Variants in CUX2 observed in about 807,000 individuals in gnomAD.
CUX2 encodes the protein homeobox protein cut-like 2.
In CUX2, 40 loss-of-function variants were observed where a neutral mutation model predicts 144.8. The ratio of observed to expected loss-of-function variants is 0.28; its 90% CI spans 0.21 to 0.36. The LOEUF (loss-of-function observed/expected upper bound fraction) is 0.36. Ranked by LOEUF, CUX2 falls within the 10% of genes least tolerant of loss-of-function variation. CUX2 has a pLI of 1.00. For missense variants in CUX2, 1,615 were observed against 1,994.0 expected (o/e 0.81, Z 3.62); for synonymous variants, 827 against 875.6 (o/e 0.94, Z 0.98).
At chr12:111,331,644 T>G (rs781746987) in intron 18 of CUX2, among the ~76,000 whole-genome samples, 5 of 152,108 alleles carry the variant, frequency 3.3e-5, no homozygotes, top group African/African-American at 4.8e-5. Context: ...CCAAGTAGTA[T>G]GTATAATGCT....
intron 1 of CUX2, among the ~76,000 whole-genome samples, chr12:111,137,104 ATTT>A (rs1242985153): frequency 7.0e-6 from 1 of 142,508 alleles, no homozygotes; most frequent in Non-Finnish European, 1.6e-5. Context: ...CACCTGGCTA[ATTT>A]TTTTTTTTTT....
At chr12:111,268,945 C>T (rs185561365) in intron 4 of CUX2, among the ~76,000 whole-genome samples, 42 of 152,252 alleles carry the variant, frequency 2.8e-4, no homozygotes, top group Middle Eastern at 6.8e-3. Flanking sequence ...AGTTGTAACA[C>T]GAGGGGGCAG....
intron 1 of CUX2, among the ~76,000 whole-genome samples, chr12:111,094,770 T>C (rs1428598624): frequency 6.6e-6 from 1 of 152,210 alleles, no homozygotes; most frequent in Non-Finnish European, 1.5e-5. Flanking sequence ...ACTGCTGAGA[T>C]GACAGGCATG....
chr12:111,305,049 T>A (rs1257775699), intron 10 of CUX2, among the ~76,000 whole-genome samples: 1 of 152,232 alleles, frequency 6.6e-6, no homozygotes, highest in Non-Finnish European at 1.5e-5. Flanking sequence ...GATTAATCAA[T>A]TCATCTTTCT....
chr12:111,308,470 CCTT>C lies in CUX2; in HGVS notation c.1207_1209del (p.Phe403del), dbSNP rs748502176. ...GACTCACTGCTTATTGCAAAGGAGG[CCTT>C]CTTCCCCACGCAGAAATTCCTTCTG... is the stretch of plus-strand genomic sequence containing the variant. On this transcript the variant is annotated inframe_deletion, in exon 14 of 22. Transcript: ENST00000261726. 316 of 1,614,028 alleles carry C rather than the reference CCTT, an allele frequency of 2.0e-4. No homozygotes were observed. Among genetic ancestry groups the C allele is most frequent in the Non-Finnish European group, 2.5e-4 (300 of 1,180,016 alleles).
Position 111,034,373 on chromosome 12 carries a change from C to A in CUX2, c.63+133C>A. 4.5e-6 allele frequency: 1 copy of A among 222,246 alleles called. No individual in the cohort carries two copies. Among genetic ancestry groups the A allele is most frequent in the Non-Finnish European group, 7.6e-6 (1 of 130,766 alleles). The allele number at this position is 222,246 out of a possible 1,614,324, so 13.8% of individuals were successfully genotyped here. On this transcript the variant is annotated intron_variant, in intron 1 of 21. Transcript: ENST00000261726. This position sits in a 1 kb window ranked among gnomAD's most constrained non-coding sequence, Gnocchi z 4.2. The stretch of plus-strand genomic sequence containing the variant: ...CGGCGGCTGCCGGGGCTCGCCGGGG[C>A]TCGGCCGCCCGCTGCCCATCGATAG...
Position 111,348,129 on chromosome 12 carries a change from C to T in CUX2, c.4265C>T (p.Pro1422Leu), listed in dbSNP as rs1888902099. The T allele has an allele frequency of 6.2e-7, 1 of 1,614,030 alleles. No individual in the cohort carries two copies. Among genetic ancestry groups the T allele is most frequent in the Admixed American group, 1.7e-5 (1 of 60,000 alleles). Residue 1422 changes from proline (P) to leucine (L), a missense_variant, in exon 22 of 22, where the codon CCA becomes CTA. Transcript: ENST00000261726. Reference protein sequence around the residue: ...PVPSSSAPISPSPPGAPPAKV... With the variant: ...PVPSSSAPISLSPPGAPPAKV... ...CCCTCCTCCTCAGCTCCCATCTCCC[C>T]ATCCCCACCTGGCGCCCCCCCTGCC...
At chr12:111,158,264 T>C (rs906671004) in intron 1 of CUX2, among the ~76,000 whole-genome samples, 1 of 152,082 alleles carries the variant, frequency 6.6e-6, no homozygotes, top group Admixed American at 6.6e-5. Context: ...AATGACCTAC[T>C]GGAAGCACCT....
At chr12:111,219,110 G>A (rs550313941) in intron 3 of CUX2, among the ~76,000 whole-genome samples, 7 of 152,232 alleles carry the variant, frequency 4.6e-5, no homozygotes, top group East Asian at 1.9e-4. Context: ...TCCACCAAGC[G>A]CCACATTACT....
chr12:111,137,357 GTTGTTGT>G (rs201254622), intron 1 of CUX2, among the ~76,000 whole-genome samples: 2,143 of 150,938 alleles, frequency 0.014, 57 homozygotes, highest in African/African-American at 0.051. Flanking sequence ...TGATGTTGTT[GTTGTTGT>G]TTGTTGATGT....
intron 3 of CUX2, among the ~76,000 whole-genome samples, chr12:111,227,724 A>G (rs1882228644): frequency 6.6e-6 from 1 of 151,576 alleles, no homozygotes; most frequent in East Asian, 1.9e-4. Flanking sequence ...TAGAGGGCAC[A>G]CCCCCACCCC....
At chr12:111,138,133 C>T (rs893388757) in intron 1 of CUX2, among the ~76,000 whole-genome samples, 20 of 152,164 alleles carry the variant, frequency 1.3e-4, no homozygotes, top group African/African-American at 2.4e-5. Context: ...CCAGGCTGGC[C>T]GAGGGGAGGG....
intron 1 of CUX2, among the ~76,000 whole-genome samples, chr12:111,045,258 C>A (rs1250992105): frequency 6.6e-6 from 1 of 152,096 alleles, no homozygotes; most frequent in Admixed American, 6.5e-5. Flanking sequence ...CGGGGGGAGA[C>A]CCATCTTTCC....
At chr12:111,154,465 G>A (rs1303377479) in intron 1 of CUX2, among the ~76,000 whole-genome samples, 12 of 152,114 alleles carry the variant, frequency 7.9e-5, no homozygotes, top group Admixed American at 7.9e-4. Flanking sequence ...TCACTCTCGA[G>A]GAAGGCCAGC....
In CUX2 at chr12:111,245,693, G is replaced by C. The variant is rs150953108; in HGVS notation, c.223-18068G>C. ...ACAATAAGGAGCATTCGAGCTAAGA[G>C]GTTTTCTCTGCGTTTTGTGTCAGGT... On this transcript the variant is annotated intron_variant, in intron 3 of 21. Coordinates refer to ENST00000261726, the MANE Select transcript of CUX2 (RefSeq NM_015267.4). 2.6e-3 allele frequency among the ~76,000 whole-genome samples: 395 copies of C among 152,248 alleles called. 4 individuals carry two copies. Among genetic ancestry groups the C allele is most frequent in the African/African-American group, 9.4e-3 (389 of 41,546 alleles).
intron 3 of CUX2, among the ~76,000 whole-genome samples, chr12:111,251,301 T>C (rs574396661): frequency 1.3e-5 from 2 of 152,272 alleles, no homozygotes; most frequent in East Asian, 3.9e-4. Flanking sequence ...GCCTGGAAAT[T>C]GTTTTTCCCC....
intron 10 of CUX2, among the ~76,000 whole-genome samples, chr12:111,305,573 G>T (rs1476660897): frequency 2.0e-5 from 3 of 152,114 alleles, no homozygotes. Context: ...GCACATGCCT[G>T]TAGTCCCAGC....
intron 18 of CUX2, among the ~76,000 whole-genome samples, chr12:111,330,668 T>G: frequency 8.4e-6 from 1 of 119,666 alleles, no homozygotes; most frequent in Admixed American, 9.1e-5. Context: ...ACCCTATCTC[T>G]ATTTAAAAAT....
chr12:111,123,256 C>T (rs1306990824), intron 1 of CUX2, among the ~76,000 whole-genome samples: 1 of 152,236 alleles, frequency 6.6e-6, no homozygotes, highest in Non-Finnish European at 1.5e-5. Flanking sequence ...CATCTTGGCT[C>T]ACTGCAACCT....
Sources: gnomAD v4.1 joint callset for allele counts (sites outside exome capture counted in the v4.1 genomes callset) on GRCh38, gnomAD v4.1.1 for gene constraint, Gnocchi (gnomAD v3.1) non-coding constraint, MANE v1.5 for transcripts, NCBI Gene and HGNC (gene_info 2026-07-23, HGNC 2026-07-21) for gene names.